Variants in ADAT1 observed in about 807,000 individuals in gnomAD.
ADAT1 encodes the protein adenosine deaminase tRNA specific 1, also known as tRNA-specific adenosine deaminase 1.
Under a neutral mutation model 58.6 loss-of-function variants are expected in ADAT1, and 58 were observed. That is an observed-to-expected ratio of 0.99 (90% CI 0.80 to 1.23). The LOEUF (loss-of-function observed/expected upper bound fraction) is 1.23. Among genes scored for constraint, ADAT1 ranks in the 50% most tolerant of loss-of-function variants. ADAT1 has a pLI of 0.00. For synonymous variants in ADAT1, 254 were observed against 220.8 expected, an observed-to-expected ratio of 1.15 and a Z score of -1.33; for missense variants, 741 against 608.6, an observed-to-expected ratio of 1.22 and a Z score of -2.29.
At chr16:75,618,203 C>T (rs2081802649) in intron 4 of ADAT1, among the ~76,000 whole-genome samples, 1 of 150,588 alleles carries the variant, frequency 6.6e-6, no homozygotes, top group African/African-American at 2.4e-5. Flanking sequence ...TACCTAGGAG[C>T]TTATTAGAAA....
intron 5 of ADAT1, among the ~76,000 whole-genome samples, chr16:75,614,383 G>A (rs532154475): frequency 6.6e-6 from 1 of 152,332 alleles, no homozygotes; most frequent in Admixed American, 6.5e-5. Flanking sequence ...ACAGGAAACA[G>A]AAGAAAACTA....
In ADAT1 at chr16:75,608,218, C is replaced by G. The variant is rs2151755666; in HGVS notation, c.1289+6G>C. 1.2e-6 allele frequency: 2 copies of G among 1,613,110 alleles called. No individual in the cohort carries two copies. Among genetic ancestry groups the G allele is most frequent in the South Asian group, 2.2e-5 (2 of 91,030 alleles). On this transcript the variant is annotated splice_donor_region_variant and intron_variant, in intron 8 of 9. Coordinates refer to ENST00000564657, the MANE Select transcript of ADAT1 (RefSeq NM_001324445.2). The stretch of plus-strand genomic sequence containing the variant: ...CACCATCTCCTCCTGCCCCAATATG[C>G]TGTACCTTGCCTGAAGGCTTCCAAT...
chr16:75,605,672 A>T (rs1341075248), intron 8 of ADAT1, among the ~76,000 whole-genome samples: 2 of 151,946 alleles, frequency 1.3e-5, no homozygotes, highest in East Asian at 1.9e-4. Context: ...GTGGTGGCTT[A>T]TATCTGTAAT....
At chr16:75,620,221 C>A (rs1378528160) in intron 3 of ADAT1, 45 bp downstream of exon 3, 2 of 1,593,286 alleles carry the variant, frequency 1.3e-6, no homozygotes, top group East Asian at 4.5e-5. Context: ...AACATGGACA[C>A]TGGTTTCAAG....
At chr16:75,602,310 A>G (rs943332570) in intron 9 of ADAT1, among the ~76,000 whole-genome samples, 2 of 152,242 alleles carry the variant, frequency 1.3e-5, no homozygotes, top group Non-Finnish European at 2.9e-5. Flanking sequence ...TGGGAAGGTG[A>G]TATGTCCTGA....
chr16:75,605,160 G>A (rs2081336127), intron 8 of ADAT1, among the ~76,000 whole-genome samples: 1 of 151,990 alleles, frequency 6.6e-6, no homozygotes, highest in Non-Finnish European at 1.5e-5. Flanking sequence ...GCGTGATCTC[G>A]GCTCACTGCA....
At chr16:75,615,468 T>C (rs2081672558) in intron 5 of ADAT1, among the ~76,000 whole-genome samples, 3 of 68,522 alleles carry the variant, frequency 4.4e-5, no homozygotes, top group South Asian at 3.9e-4. Flanking sequence ...ACGCAAACGA[T>C]AGTTGATGAG....
chr16:75,617,993 A>T (rs1219591065), intron 4 of ADAT1, among the ~76,000 whole-genome samples: 1 of 145,886 alleles, frequency 6.9e-6, no homozygotes, highest in Non-Finnish European at 1.5e-5. Context: ...GCTATTCAGG[A>T]GGCTGAGGTG....
intron 8 of ADAT1, among the ~76,000 whole-genome samples, chr16:75,605,359 G>C (rs974163062): frequency 2.0e-5 from 3 of 152,078 alleles, no homozygotes; most frequent in Admixed American, 1.3e-4. Context: ...AAAGTGCTGG[G>C]ATTACAGACG....
At chr16:75,613,333 G>C (rs908805053) in intron 5 of ADAT1, among the ~76,000 whole-genome samples, 1 of 152,134 alleles carries the variant, frequency 6.6e-6, no homozygotes, top group Non-Finnish European at 1.5e-5. Flanking sequence ...ATGCAGTCTG[G>C]CTCTGTTGCC....
In ADAT1 at chr16:75,599,235, C is replaced by A; in HGVS notation, c.*981G>T. 2.4e-6 allele frequency: 2 copies of A among 827,460 alleles called. No homozygotes were observed. The highest frequency in any genetic ancestry group is 2.9e-6 in the Non-Finnish European group (2 of 686,338). The allele number at this position is 827,460 out of a possible 1,614,324, so 51.3% of individuals were successfully genotyped here. ...TAGCTAGGATTACAGGTGTGCGCCA[C>A]CATGCCCGGCTAGTTTTTGCATTTT... On this transcript the variant is annotated 3_prime_UTR_variant, in exon 10 of 10. Coordinates refer to ENST00000564657, the MANE Select transcript of ADAT1 (RefSeq NM_001324445.2).
At chr16:75,617,030 C>T (rs2081752262) in intron 5 of ADAT1, 112 bp downstream of exon 5, 2 of 1,347,638 alleles carry the variant, frequency 1.5e-6, no homozygotes, top group African/African-American at 1.5e-5. Context: ...CTTGTGACTA[C>T]CTGTGGCTAC....
chr16:75,606,743 A>G (rs1014523760), intron 8 of ADAT1, among the ~76,000 whole-genome samples: 7 of 152,224 alleles, frequency 4.6e-5, no homozygotes, highest in African/African-American at 1.4e-4. Context: ...CCAGACCCAC[A>G]TAACTATGTG....
In ADAT1 at chr16:75,612,787, G is replaced by T. The variant is rs3743598; in HGVS notation, c.499C>A (p.His167Asn). ...CTACTGGCTTCTACTGATGAGTTGT[G>T]GGCCCAATTTCTGAAGACAGGACAG... is the stretch of plus-strand genomic sequence containing the variant. Reference protein sequence around the residue: ...PCCPVFRNWAHNSSVEASSNL... With the variant: ...PCCPVFRNWANNSSVEASSNL... Residue 167 changes from histidine to asparagine, a missense_variant, in exon 6 of 10, where the codon CAC becomes AAC. Physicochemically the swap from His to Asn is moderately conservative, Grantham distance 68 (BLOSUM62 1). Coordinates refer to ENST00000564657, the MANE Select transcript of ADAT1 (RefSeq NM_001324445.2). 0.28 allele frequency: 459,183 copies of T among 1,613,702 alleles called. 83,975 individuals are homozygous for T. Among genetic ancestry groups the T allele is most frequent in the East Asian group, 0.81 (36,418 of 44,850 alleles).
intron 3 of ADAT1, among the ~76,000 whole-genome samples, chr16:75,618,960 T>C (rs2081838837): frequency 6.6e-6 from 1 of 152,190 alleles, no homozygotes; most frequent in African/African-American, 2.4e-5. Context: ...TTGTGACAAC[T>C]AAAAATGTCT....
chr16:75,599,025 G>T lies in ADAT1; in HGVS notation c.*1191C>A. The T allele has an allele frequency of 2.0e-6, 2 of 984,472 alleles. No individual in the cohort carries two copies. The highest frequency in any genetic ancestry group is 2.4e-6 in the Non-Finnish European group (2 of 829,876). 61.0% of individuals were successfully genotyped at this position (984,472 alleles called of 1,614,324 possible). On this transcript the variant is annotated 3_prime_UTR_variant, in exon 10 of 10. Transcript: ENST00000564657. ...GTGTTAAACATTCGATGTTAAAACA[G>T]GATTGGCTGCTGGGTCTATTGCTGA...
chr16:75,613,822 G>C (rs1250724443), intron 5 of ADAT1, among the ~76,000 whole-genome samples: 1 of 152,148 alleles, frequency 6.6e-6, no homozygotes, highest in Non-Finnish European at 1.5e-5. Context: ...AATGAACAAG[G>C]TTTCCCAAGT....
Position 75,598,560 on chromosome 16 carries a change from C to G in ADAT1, c.*1656G>C, listed in dbSNP as rs2081132556. 6.6e-6 allele frequency among the ~76,000 whole-genome samples: 1 copy of G among 151,280 alleles called. No homozygotes were observed. Among genetic ancestry groups the G allele is most frequent in the South Asian group, 2.1e-4 (1 of 4,788 alleles). On this transcript the variant is annotated 3_prime_UTR_variant, in exon 10 of 10. Coordinates refer to ENST00000564657, the MANE Select transcript of ADAT1 (RefSeq NM_001324445.2). ...TTGAGACAGGATCTCACTCTGTCAC[C>G]CAGGCTGGAGTGCAATGGCATGATC...
Position 75,608,912 on chromosome 16 carries a change from C to G in ADAT1, c.1120G>C (p.Glu374Gln). The G allele has an allele frequency of 5.6e-6, 9 of 1,614,218 alleles. No homozygotes were observed. Among genetic ancestry groups the G allele is most frequent in the Non-Finnish European group, 7.6e-6 (9 of 1,180,042 alleles). ...LKILQSDLLFEQSRSAVQAKR... is the reference protein window; with the variant it reads ...LKILQSDLLFQQSRSAVQAKR... ...GCCTGCACCGCACTGCGGCTCTGTT[C>G]AAATAGTAAATCTGACTGCAGTATT... is the stretch of plus-strand genomic sequence containing the variant. Residue 374 changes from glutamate to glutamine, a missense_variant, in exon 7 of 10, where the codon GAA (glutamate) becomes CAA (glutamine). Glu to Gln is a conservative substitution (Grantham distance 29). Transcript: ENST00000564657.
Sources: gnomAD v4.1 joint callset for allele counts (sites outside exome capture counted in the v4.1 genomes callset) on GRCh38, gnomAD v4.1.1 for gene constraint, MANE v1.5 for transcripts, NCBI Gene and HGNC (gene_info 2026-07-23, HGNC 2026-07-21) for gene names.